Variants in DENND11 observed in about 807,000 individuals in gnomAD.
DENND11 encodes the protein DENN domain-containing protein 11.
In DENND11, 34 loss-of-function variants were observed where a neutral mutation model predicts 49.2. The observed-to-expected ratio is 0.69, with a 90% CI of 0.53 to 0.92. DENND11 has a LOEUF of 0.92. DENND11 is among the 40% of genes least tolerant of loss of function. DENND11 has a pLI of 0.00. For missense variants in DENND11, 475 were observed against 581.6 expected, an observed-to-expected ratio of 0.82 and a Z score of 1.88; for synonymous variants, 238 against 230.3, an observed-to-expected ratio of 1.03 and a Z score of -0.30.
intron 4 of DENND11, among the ~76,000 whole-genome samples, chr7:141,671,861 T>G (rs1797986819): frequency 6.6e-6 from 1 of 152,312 alleles, no homozygotes; most frequent in East Asian, 1.9e-4. Flanking sequence ...AATGATTGTC[T>G]CTCAGCCTAC....
intron 1 of DENND11, among the ~76,000 whole-genome samples, chr7:141,697,469 G>A (rs947369485): frequency 2.0e-5 from 3 of 152,160 alleles, no homozygotes; most frequent in South Asian, 2.1e-4. Context: ...GAAGGATGGC[G>A]ACATGACAGA....
intron 1 of DENND11, among the ~76,000 whole-genome samples, chr7:141,688,319 C>T (rs1343330894): frequency 2.0e-5 from 3 of 152,194 alleles, no homozygotes; most frequent in Non-Finnish European, 2.9e-5. Flanking sequence ...CATCAATGAT[C>T]CCAGCCAAAC....
chr7:141,669,973 G>T (rs1213240711), intron 4 of DENND11, among the ~76,000 whole-genome samples: 3 of 151,108 alleles, frequency 2.0e-5, no homozygotes, highest in Non-Finnish European at 4.4e-5. Flanking sequence ...ACCTCGCCCG[G>T]CTAATTTTTT....
rs756077846 is a variant in DENND11 at position 141,701,944 on chromosome 7, G to T, written c.210C>A (p.Gly70=). 92 of 1,196,034 alleles carry T rather than the reference G, an allele frequency of 7.7e-5. No homozygotes were observed. The African/African-American group carries it at 1.3e-3, about 16-fold the overall frequency. The allele number at this position is 1,196,034 out of a possible 1,614,324, so 74.1% of individuals were successfully genotyped here. A position where few individuals can be genotyped will look rare whatever the true frequency, so the allele number is the denominator to read the frequency against. ...CCACCACCTGGTCCTCCTCCACGTCGCCCAGCTCCAGGCGCCCGGGCTGCA... is the reference window on the plus strand; with the variant it reads ...CCACCACCTGGTCCTCCTCCACGTCTCCCAGCTCCAGGCGCCCGGGCTGCA... ...VLLQPGRLEL[G]DVEEDQVVAV... The change falls in exon 1 of 9, where the codon GGC becomes GGA. Residue 70 remains glycine, a synonymous_variant. Coordinates refer to ENST00000536163, the MANE Select transcript of DENND11 (RefSeq NM_001080392.2).
At chr7:141,687,562 C>G (rs1401827868) in intron 1 of DENND11, among the ~76,000 whole-genome samples, 1 of 150,746 alleles carries the variant, frequency 6.6e-6, no homozygotes, top group Non-Finnish European at 1.5e-5. Flanking sequence ...CTCCCAGGTT[C>G]AAGGCGATTC....
rs1327995361 is a variant in DENND11, at chr7:141,659,117, T to C, written c.*3539A>G. 5.3e-5 allele frequency: 8 copies of C among 152,380 alleles called. 1 individual carries two copies. The South Asian group carries it at 6.2e-4, about 12-fold the overall frequency. 9.4% of individuals were successfully genotyped at this position (152,380 alleles called of 1,614,324 possible). ...AAGTGGAACAAAACAAGGTAAGTTA[T>C]AGATGCAAGTTCCTAAGCTAAATTA... On this transcript the variant is annotated 3_prime_UTR_variant, in exon 9 of 9. Transcript: ENST00000536163.
chr7:141,676,751 AG>A (rs1185734950), intron 3 of DENND11, among the ~76,000 whole-genome samples: 3 of 152,242 alleles, frequency 2.0e-5, no homozygotes, highest in Non-Finnish European at 4.4e-5. Context: ...ATGATAAGTT[AG>A]TCTTCAAAGA....
intron 3 of DENND11, among the ~76,000 whole-genome samples, chr7:141,676,681 T>G (rs561089824): frequency 6.6e-6 from 1 of 152,170 alleles, no homozygotes; most frequent in East Asian, 1.9e-4. Flanking sequence ...ACAAACAAGA[T>G]TGTCAAACTA....
chr7:141,662,660 G>T lies in DENND11; in HGVS notation c.1364C>A (p.Pro455Gln). Residue 455 changes from proline (P) to glutamine (Q), a missense_variant, in exon 9 of 9, where the codon CCG becomes CAG. Coordinates refer to ENST00000536163, the MANE Select transcript of DENND11 (RefSeq NM_001080392.2). ...TCCCAGTCCTGTTGGCTCCTCCTACGGGCAACAGGGGTTGTCGATAACCAG... is the reference window on the plus strand; with the variant it reads ...TCCCAGTCCTGTTGGCTCCTCCTACTGGCAACAGGGGTTGTCGATAACCAG... The part of the protein sequence containing the change: ...VMLVIDNPCC[P>Q] 1 of 1,574,248 alleles carries T rather than the reference G, an allele frequency of 6.4e-7. No individual in the cohort carries two copies. Among genetic ancestry groups the T allele is most frequent in the Non-Finnish European group, 8.6e-7 (1 of 1,160,860 alleles).
At chr7:141,683,377 A>AT (rs2117069849) in intron 3 of DENND11, among the ~76,000 whole-genome samples, 1 of 152,384 alleles carries the variant, frequency 6.6e-6, no homozygotes, top group South Asian at 2.1e-4. Context: ...TCAGTGGCTC[A>AT]TGCCGGTAAT....
In DENND11 at chr7:141,674,503, TATGACTA is replaced by T. The variant is rs547991840; in HGVS notation, c.528-290_528-284del. Among the ~76,000 whole-genome samples the T allele has an allele frequency of 1.4e-4, 22 of 152,316 alleles. 1 individual carries two copies. In the South Asian group the frequency reaches 4.1e-3, roughly 29 times the overall value. ...TGGGAAACAGACAGAATTAACAGAC[TATGACTA>T]ATGTCTATTGTTCTTGAGCAAGGTA... is the stretch of plus-strand genomic sequence containing the variant. On this transcript the variant is annotated intron_variant, in intron 3 of 8. Transcript: ENST00000536163.
At chr7:141,669,047 C>T (rs775193010) in intron 4 of DENND11, among the ~76,000 whole-genome samples, 5 of 152,144 alleles carry the variant, frequency 3.3e-5, no homozygotes, top group Admixed American at 1.3e-4. Flanking sequence ...CTAGGGAAGC[C>T]CTCCACTCCC....
intron 1 of DENND11, among the ~76,000 whole-genome samples, chr7:141,697,933 C>G (rs571164614): frequency 1.3e-5 from 2 of 152,240 alleles, no homozygotes; most frequent in South Asian, 4.2e-4. Context: ...GAAATTCATT[C>G]CCAAGAAGAA....
At chr7:141,680,974 C>T (rs1191638179) in intron 3 of DENND11, among the ~76,000 whole-genome samples, 3 of 152,102 alleles carry the variant, frequency 2.0e-5, no homozygotes, top group African/African-American at 4.8e-5. Flanking sequence ...AAGCCAAAAA[C>T]GATACCTGGA....
intron 1 of DENND11, among the ~76,000 whole-genome samples, chr7:141,698,957 T>C (rs1276261625): frequency 1.8e-5 from 1 of 56,814 alleles, no homozygotes; most frequent in Admixed American, 2.0e-4. Flanking sequence ...AGGGTTGAGG[T>C]GGGTGTGGGG....
At chr7:141,677,503 G>GTATATA (rs140901096) in intron 3 of DENND11, among the ~76,000 whole-genome samples, 3 of 134,194 alleles carry the variant, frequency 2.2e-5, no homozygotes, top group African/African-American at 5.5e-5. Flanking sequence ...GTGTGTGTGT[G>GTATATA]TATATATATA....
chr7:141,687,965 G>C (rs1471010708), intron 1 of DENND11, among the ~76,000 whole-genome samples: 1 of 151,908 alleles, frequency 6.6e-6, no homozygotes, highest in Non-Finnish European at 1.5e-5. Context: ...ATTTTTAGTA[G>C]AGATGGGGTT....
At chr7:141,692,489 T>A (rs1391141945) in intron 1 of DENND11, among the ~76,000 whole-genome samples, 1 of 152,068 alleles carries the variant, frequency 6.6e-6, no homozygotes, top group East Asian at 1.9e-4. Flanking sequence ...ATCAATCACA[T>A]AATCTTTGCC....
At chr7:141,687,387 G>A (rs1430930109) in intron 1 of DENND11, among the ~76,000 whole-genome samples, 3 of 152,100 alleles carry the variant, frequency 2.0e-5, no homozygotes, top group Non-Finnish European at 4.4e-5. Context: ...AGATTCCAGA[G>A]AGAAATGAGG....
Sources: gnomAD v4.1 joint callset for allele counts (sites outside exome capture counted in the v4.1 genomes callset) on GRCh38, gnomAD v4.1.1 for gene constraint, MANE v1.5 for transcripts, NCBI Gene and HGNC (gene_info 2026-07-23, HGNC 2026-07-21) for gene names.